Variants in ECT2L observed in about 807,000 individuals in gnomAD.
ECT2L encodes the protein epithelial cell transforming 2 like, also known as epithelial cell-transforming sequence 2 oncogene-like.
A neutral mutation model predicts 122.8 loss-of-function variants in ECT2L; 126 were observed. The observed-to-expected ratio is 1.03, with a 90% CI of 0.89 to 1.19. The LOEUF is 1.19. Among genes scored for constraint, ECT2L ranks in the 50% most tolerant of loss-of-function variants. ECT2L has a pLI of 0.00. For missense variants in ECT2L, 1,012 were observed against 1,064.1 expected (o/e 0.95, Z 0.68); for synonymous variants, 385 against 381.8 (o/e 1.01, Z -0.10).
chr6:138,812,786 C>G (rs1209434851), intron 1 of ECT2L, 52 bp from the exon 2 acceptor site: 1 of 153,326 alleles, frequency 6.5e-6, no homozygotes, highest in Non-Finnish European at 1.5e-5. Flanking sequence ...GCCTGGACAA[C>G]AGAGCGAGAC....
In ECT2L at chr6:138,834,337, A is replaced by T. The variant is rs537090915; in HGVS notation, c.180-4015A>T. On this transcript the variant is annotated intron_variant, in intron 4 of 21. Transcript: ENST00000541398. ...CCTACCTTAGTTCTGCTGATCATGT[A>T]TTTTTTTTTAATGTGACGGAAGCAT... Among the ~76,000 whole-genome samples the T allele has an allele frequency of 2.6e-5, 4 of 151,012 alleles. No homozygotes were observed. In the East Asian group the frequency reaches 7.8e-4, roughly 29 times the overall value.
intron 4 of ECT2L, among the ~76,000 whole-genome samples, chr6:138,815,082 TTC>T (rs1432801902): frequency 1.3e-5 from 2 of 152,174 alleles, no homozygotes; most frequent in African/African-American, 4.8e-5. Flanking sequence ...TTTCTCTTTC[TTC>T]CCCTTCCCTC....
intron 5 of ECT2L, among the ~76,000 whole-genome samples, chr6:138,839,446 C>A (rs544563360): frequency 5.3e-5 from 8 of 151,820 alleles, no homozygotes; most frequent in South Asian, 4.2e-4. Context: ...TCATTGCAAC[C>A]TCTGTCTCCC....
chr6:138,882,620 G>A (rs1366769208), intron 15 of ECT2L, 104 bp from the exon 16 acceptor site: 18 of 1,375,826 alleles, frequency 1.3e-5, no homozygotes, highest in African/African-American at 5.8e-5. Flanking sequence ...AAACCCTACC[G>A]TAAAGGACTA....
chr6:138,849,211 TAATA>T, intron 8 of ECT2L, 54 bp from the exon 9 acceptor site: 1 of 1,412,078 alleles, frequency 7.1e-7, no homozygotes, highest in Non-Finnish European at 9.3e-7. Context: ...TTTCTTTCAT[TAATA>T]AATATTCTAA....
chr6:138,870,170 C>CG (rs546654645), intron 13 of ECT2L: 4 of 152,284 alleles, frequency 2.6e-5, no homozygotes, highest in Non-Finnish European at 1.5e-5. Context: ...ATTTTTCTTG[C>CG]GGGGGGGTTG....
intron 10 of ECT2L, among the ~76,000 whole-genome samples, chr6:138,856,991 T>C (rs1387532285): frequency 6.6e-6 from 1 of 152,186 alleles, no homozygotes; most frequent in East Asian, 1.9e-4. Context: ...ATTTTCCTCC[T>C]ACCGTCGAAT....
At chr6:138,850,527 T>C (rs1777400617) in intron 9 of ECT2L, among the ~76,000 whole-genome samples, 1 of 34,248 alleles carries the variant, frequency 2.9e-5, no homozygotes, top group Non-Finnish European at 4.5e-5. Context: ...TGTATGTATA[T>C]AGTATGTTTT....
Position 138,804,215 on chromosome 6 carries a change from T to C in ECT2L, c.-244+8023T>C, listed in dbSNP as rs545642470. Among the ~76,000 whole-genome samples the C allele has an allele frequency of 2.0e-5, 3 of 152,372 alleles. No individual in the cohort carries two copies. The East Asian group carries it at 5.8e-4, about 29-fold the overall frequency. ...CTGGGGATTCACAGACCATGCGTAA[T>C]TGATTTTATACATATGAAAAAATTT... On this transcript the variant is annotated intron_variant, in intron 1 of 21. Transcript: ENST00000541398.
intron 9 of ECT2L, among the ~76,000 whole-genome samples, chr6:138,850,385 T>C (rs960617051): frequency 6.6e-6 from 1 of 152,058 alleles, no homozygotes; most frequent in African/African-American, 2.4e-5. Context: ...CCTCCAGTGA[T>C]CCACCTGCCT....
At chr6:138,805,526 G>C (rs185751634) in intron 1 of ECT2L, among the ~76,000 whole-genome samples, 10 of 152,308 alleles carry the variant, frequency 6.6e-5, no homozygotes, top group Admixed American at 5.2e-4. Flanking sequence ...CTATGGGTTG[G>C]CTGGCCTCAG....
At chr6:138,825,657 C>T (rs1776422255) in intron 4 of ECT2L, among the ~76,000 whole-genome samples, 1 of 152,090 alleles carries the variant, frequency 6.6e-6, no homozygotes, top group Non-Finnish European at 1.5e-5. Context: ...AATAATCCAC[C>T]ACCCATATAC....
intron 11 of ECT2L, among the ~76,000 whole-genome samples, chr6:138,864,730 GT>G (rs766354219): frequency 2.0e-5 from 3 of 151,936 alleles, no homozygotes; most frequent in South Asian, 2.1e-4. Context: ...TCCAGCAGCT[GT>G]TTTTTTTCTT....
chr6:138,808,751 G>T lies in ECT2L; in HGVS notation c.-243-4087G>T, dbSNP rs187363764. Among the ~76,000 whole-genome samples the T allele has an allele frequency of 5.4e-3, 755 of 138,760 alleles. 6 individuals carry two copies. Among genetic ancestry groups the T allele is most frequent in the Middle Eastern group, 0.041 (10 of 244 alleles). 91.0% of individuals were successfully genotyped at this position (138,760 alleles called of 152,430 possible). A position where few individuals can be genotyped will look rare whatever the true frequency, so the allele number is the denominator to read the frequency against. On this transcript the variant is annotated intron_variant, in intron 1 of 21. Coordinates refer to ENST00000541398, the MANE Select transcript of ECT2L (RefSeq NM_001077706.3). ...TTTCTTTTTTTTTTTTTTTGAGACAGTGTCTCACCTTGTCACTCAGGCTGG... is the reference window on the plus strand; with the variant it reads ...TTTCTTTTTTTTTTTTTTTGAGACATTGTCTCACCTTGTCACTCAGGCTGG...
intron 18 of ECT2L, 119 bp from the exon 19 acceptor site, chr6:138,886,738 T>C (rs1778834855): frequency 2.7e-6 from 2 of 752,906 alleles, no homozygotes; most frequent in Non-Finnish European, 4.4e-6. Context: ...AAACTTTCTA[T>C]TATAACATAT....
At chr6:138,857,779 C>G (rs1777667766) in intron 10 of ECT2L, among the ~76,000 whole-genome samples, 1 of 152,136 alleles carries the variant, frequency 6.6e-6, no homozygotes, top group Non-Finnish European at 1.5e-5. Flanking sequence ...TCCACATACG[C>G]ACTCTCCTCC....
At chr6:138,805,349 A>G (rs60059009) in intron 1 of ECT2L, among the ~76,000 whole-genome samples, 3,123 of 152,262 alleles carry the variant, frequency 0.021, 114 homozygotes, top group African/African-American at 0.071. Context: ...TTATTCTAGA[A>G]ATAACGCCAA....
Position 138,865,052 on chromosome 6 carries a change from TGC to T in ECT2L, c.1350_1351del (p.Cys450Ter). On this transcript the variant is annotated frameshift_variant, in exon 12 of 22. Transcript: ENST00000541398. LOFTEE classifies it high-confidence loss of function. Reference protein sequence around the residue: ...WGKAPSSIYFCESKLQTWSSF... With the variant: ...WGKAPSSIYFXESKLQTWSSF... ...AAAGGCCCCCTCTTCCATCTACTTCTGCGAATCGAAGCTACAGACGTGGTCCA... is the reference window on the plus strand; with the variant it reads ...AAAGGCCCCCTCTTCCATCTACTTCTGAATCGAAGCTACAGACGTGGTCCA... 1 of 1,614,090 alleles carries T rather than the reference TGC, an allele frequency of 6.2e-7. No individual in the cohort carries two copies. The highest frequency in any genetic ancestry group is 8.5e-7 in the Non-Finnish European group (1 of 1,179,996).
chr6:138,819,748 G>A lies in ECT2L; in HGVS notation c.179+5145G>A, dbSNP rs191211298. Among the ~76,000 whole-genome samples the A allele has an allele frequency of 9.9e-5, 15 of 152,036 alleles. No individual in the cohort carries two copies. In the East Asian group the frequency reaches 1.9e-3, roughly 20 times the overall value. On this transcript the variant is annotated intron_variant, in intron 4 of 21. Coordinates refer to ENST00000541398, the MANE Select transcript of ECT2L (RefSeq NM_001077706.3). The stretch of plus-strand genomic sequence containing the variant: ...TTAATTAAAAAAAAATTAGCCGGGC[G>A]TGGTGGCGGGCACCTCTAATCCCAG...
Sources: allele counts gnomAD v4.1 joint callset (sites outside exome capture counted in the v4.1 genomes callset), GRCh38; gene constraint gnomAD v4.1.1; transcripts MANE v1.5; gene names NCBI Gene and HGNC (gene_info 2026-07-23, HGNC 2026-07-21).